The following DOT1L variants were observed in gnomAD, a reference collection of about 807,000 sequenced individuals.
DOT1L encodes the protein DOT1 like histone lysine methyltransferase, also known as histone-lysine N-methyltransferase, H3 lysine-79 specific.
In DOT1L, 33 loss-of-function variants were observed where a neutral mutation model predicts 153.3. The observed-to-expected ratio is 0.22, with a 90% CI of 0.16 to 0.29. The LOEUF is 0.29. Among genes scored for constraint, DOT1L ranks in the 10% least tolerant of loss-of-function variants. The pLI is 1.00. For missense variants in DOT1L, 1,847 were observed against 2,119.9 expected, an observed-to-expected ratio of 0.87 and a Z score of 2.53; for synonymous variants, 1,135 against 965.1, an observed-to-expected ratio of 1.18 and a Z score of -3.26.
Position 2,189,803 on chromosome 19 carries a change from G to A in DOT1L, c.264+8G>A, listed in dbSNP as rs751426391. 3.1e-6 allele frequency: 5 copies of A among 1,611,584 alleles called. No individual in the cohort carries two copies. The highest frequency in any genetic ancestry group is 4.2e-6 in the Non-Finnish European group (5 of 1,179,958). On this transcript the variant is annotated splice_region_variant and intron_variant, in intron 4 of 27. Transcript: ENST00000398665. Reference sequence around the variant, plus strand: ...GACAGCATCCACCAGCTGGTAGGTGGCTTGCCCCTGCCCAGAGGGGGTTAG... The same window carrying A: ...GACAGCATCCACCAGCTGGTAGGTGACTTGCCCCTGCCCAGAGGGGGTTAG...
chr19:2,172,529 A>T (rs377291808), intron 1 of DOT1L, among the ~76,000 whole-genome samples: 1 of 137,304 alleles, frequency 7.3e-6, no homozygotes, highest in Non-Finnish European at 1.6e-5. Context: ...TTGAAGACAG[A>T]GTCTCACTCT....
chr19:2,207,701 C>T lies in DOT1L; in HGVS notation c.963+21C>T, dbSNP rs114623982. The T allele has an allele frequency of 1.3e-6, 2 of 1,596,266 alleles. No homozygotes were observed. The highest frequency in any genetic ancestry group is 1.1e-5 in the South Asian group (1 of 89,954). ...CCATAGTGAGTATCTCGCTGCGCCT[C>T]AGCCGCAGGGCCGTCCTGGTCTTCC... On this transcript the variant is annotated intron_variant, in intron 11 of 27. Coordinates refer to ENST00000398665, the MANE Select transcript of DOT1L (RefSeq NM_032482.3). This position sits in a 1 kb window ranked among gnomAD's most constrained non-coding sequence, Gnocchi z 4.5.
intron 27 of DOT1L, chr19:2,228,517 A>AG: frequency 8.6e-7 from 1 of 1,167,740 alleles, no homozygotes. Context: ...CAGGGAGACC[A>AG]GGGAGATGGT....
At chr19:2,200,770 A>ATCCTCCCCTCATTCCTCG (rs1398423652) in intron 8 of DOT1L, among the ~76,000 whole-genome samples, 1 of 108,342 alleles carries the variant, frequency 9.2e-6, no homozygotes, top group South Asian at 3.2e-4. Flanking sequence ...CGCATTCTTC[A>ATCCTCCCCTCATTCCTCG]TCCTCCCCTC....
rs779037386 is a variant in DOT1L at position 2,214,285 on chromosome 19, C to T, written c.1798-186C>T. The T allele has an allele frequency of 1.5e-3, 1,551 of 1,005,524 alleles. 2 individuals are homozygous for T. The highest frequency in any genetic ancestry group is 2.1e-3 in the Non-Finnish European group (1,474 of 707,792). 62.3% of individuals were successfully genotyped at this position (1,005,524 alleles called of 1,614,324 possible). ...GGTGTGGGTGCTGGAGCTGCCTCAT[C>T]TGTCCGTGGGGGGCCCCAGTCTCCG... is the stretch of plus-strand genomic sequence containing the variant. On this transcript the variant is annotated intron_variant, in intron 18 of 27. Transcript: ENST00000398665.
At chr19:2,177,978 A>C (rs1454451216) in intron 1 of DOT1L, among the ~76,000 whole-genome samples, 1 of 151,112 alleles carries the variant, frequency 6.6e-6, no homozygotes, top group Non-Finnish European at 1.5e-5. Context: ...GCTGGAGTGC[A>C]GTGGTGCAGT....
chr19:2,217,000 C>T lies in DOT1L; in HGVS notation c.2454C>T (p.Ser818=), dbSNP rs1344483483. ...ACGGCCTTCCCTACCAGAGCCCCAG[C>T]GTGCCTGGCAGCATGAAGCTGAGCC... ...KENGLPYQSP[S]VPGSMKLSPQ... The change falls in exon 21 of 28, where the codon AGC becomes AGT. Residue 818 remains serine (S), a synonymous_variant. Transcript: ENST00000398665. 6 of 1,613,014 alleles carry T rather than the reference C, an allele frequency of 3.7e-6. No individual in the cohort carries two copies. Among genetic ancestry groups the T allele is most frequent in the Admixed American group, 3.3e-5 (2 of 59,996 alleles).
rs2301798 is a variant in DOT1L at position 2,207,550 on chromosome 19, C to T, written c.857-24C>T. 68,472 of 1,596,374 alleles carry T rather than the reference C, an allele frequency of 0.043. 1,815 individuals are homozygous for T. The highest frequency in any genetic ancestry group is 0.11 in the East Asian group (4,988 of 44,760). On this transcript the variant is annotated intron_variant, in intron 10 of 27. Coordinates refer to ENST00000398665, the MANE Select transcript of DOT1L (RefSeq NM_032482.3). This position sits in a 1 kb window ranked among gnomAD's most constrained non-coding sequence, Gnocchi z 4.5. Reference sequence around the variant, plus strand: ...AGGGGCTGTGGGCAGGCGCAGGCCCCGGCCTCACCTGTGGCTCCTGCAGAC... The same window carrying T: ...AGGGGCTGTGGGCAGGCGCAGGCCCTGGCCTCACCTGTGGCTCCTGCAGAC...
intron 22 of DOT1L, among the ~76,000 whole-genome samples, chr19:2,219,004 T>C (rs181324282): frequency 2.3e-4 from 35 of 152,332 alleles, no homozygotes; most frequent in African/African-American, 7.7e-4. Context: ...CCCGAGTAGC[T>C]GGGATTACAG....
chr19:2,208,885 A>G lies in DOT1L; in HGVS notation c.964-50A>G, dbSNP rs747322133. On this transcript the variant is annotated intron_variant, in intron 11 of 27. Coordinates refer to ENST00000398665, the MANE Select transcript of DOT1L (RefSeq NM_032482.3). The surrounding 1 kb of genome is among the most constrained non-coding windows in gnomAD (Gnocchi z 4.4). ...TTACCTGGGTGTCCAGACAAATCCG[A>G]ACAGAGATTGGGACTCCCTTCTAAT... 1.3e-6 allele frequency: 2 copies of G among 1,592,298 alleles called. No homozygotes were observed. The highest frequency in any genetic ancestry group is 2.2e-5 in the East Asian group (1 of 44,596).
intron 27 of DOT1L, 77 bp downstream of exon 27, chr19:2,227,204 C>A: frequency 6.5e-7 from 1 of 1,542,836 alleles, no homozygotes; most frequent in Non-Finnish European, 8.9e-7. Context: ...TTCCCTTCCG[C>A]ACTCTCTTGC....
intron 27 of DOT1L, chr19:2,227,599 A>G (rs2024406659): frequency 1.4e-5 from 14 of 1,006,152 alleles, no homozygotes; most frequent in Middle Eastern, 4.3e-4. Flanking sequence ...AGCCTGGCCG[A>G]GCCGCTGCTT....
At chr19:2,175,189 A>G (rs1599535819) in intron 1 of DOT1L, among the ~76,000 whole-genome samples, 2 of 151,884 alleles carry the variant, frequency 1.3e-5, no homozygotes, top group Non-Finnish European at 2.9e-5. Flanking sequence ...TAGTAGAGAC[A>G]GGGTTTCACT....
Position 2,222,176 on chromosome 19 carries a change from G to A in DOT1L, c.3007G>A (p.Ala1003Thr), listed in dbSNP as rs923183589. 22 of 1,612,854 alleles carry A rather than the reference G, an allele frequency of 1.4e-5. No individual in the cohort carries two copies. The highest frequency in any genetic ancestry group is 1.4e-5 in the Non-Finnish European group (17 of 1,179,836). The stretch of plus-strand genomic sequence containing the variant: ...CCGGAACTCGCTTCCTGCCTCTCCC[G>A]CCCACCAGCTCTCCTCCAGTCCCCG... The part of the protein sequence containing the change: ...QPRNSLPASP[A>T]HQLSSSPRLG... The change falls in exon 24 of 28, where the codon GCC becomes ACC. Residue 1003 changes from alanine to threonine, a missense_variant. Coordinates refer to ENST00000398665, the MANE Select transcript of DOT1L (RefSeq NM_032482.3). The surrounding 1 kb of genome is among the most constrained non-coding windows in gnomAD (Gnocchi z 6.5).
intron 1 of DOT1L, among the ~76,000 whole-genome samples, chr19:2,174,986 G>GTGTGTGTGTA (rs1373768436): frequency 9.9e-6 from 1 of 101,360 alleles, no homozygotes; most frequent in Non-Finnish European, 1.9e-5. Flanking sequence ...GTGTGTGTGT[G>GTGTGTGTGTA]TGTGTGTGTA....
At chr19:2,176,548 C>G (rs1303644944) in intron 1 of DOT1L, among the ~76,000 whole-genome samples, 1 of 152,234 alleles carries the variant, frequency 6.6e-6, no homozygotes, top group African/African-American at 2.4e-5. Context: ...CAGAGCATTT[C>G]CAGCCCTCAC....
rs1263155683 is a variant in DOT1L at position 2,191,479 on chromosome 19, C to T, written c.493+239C>T. Among the ~76,000 whole-genome samples, 1 of 152,238 alleles carries T rather than the reference C, an allele frequency of 6.6e-6. No homozygotes were observed. The highest frequency in any genetic ancestry group is 1.9e-4 in the East Asian group (1 of 5,172). On this transcript the variant is annotated intron_variant, in intron 5 of 27. Coordinates refer to ENST00000398665, the MANE Select transcript of DOT1L (RefSeq NM_032482.3). This position sits in a 1 kb window ranked among gnomAD's most constrained non-coding sequence, Gnocchi z 6.8. ...GTGGCTCCCAGACCAGGCCCATCCT[C>T]CCAGGTGCCCGGAGACTCTGCTTTC...
rs1174458033 is a variant in DOT1L at position 2,178,415 on chromosome 19, AT to A, written c.82-2278del. On this transcript the variant is annotated intron_variant, in intron 1 of 27. Transcript: ENST00000398665. The stretch of plus-strand genomic sequence containing the variant: ...TCTCCAAAACACACTTCACTTTGAA[AT>A]TTTTTTTTTTTTTTTTTTTGAGACG... Among the ~76,000 whole-genome samples the A allele has an allele frequency of 5.4e-3, 692 of 128,348 alleles. 4 individuals carry two copies. Among genetic ancestry groups the A allele is most frequent in the African/African-American group, 0.013 (435 of 32,916 alleles). The allele number at this position is 128,348 out of a possible 152,430, so 84.2% of individuals were successfully genotyped here.
rs193090149 is a variant in DOT1L, at chr19:2,164,726, C to T, written c.81+461C>T. On this transcript the variant is annotated intron_variant, in intron 1 of 27. Transcript: ENST00000398665. ...TTGTCACGCTTTTCCTACTCGGGCA[C>T]GGCGGGCCCGACCCTGCGAAGGTGG... Among the ~76,000 whole-genome samples, 780 of 152,214 alleles carry T rather than the reference C, an allele frequency of 5.1e-3. 13 individuals are homozygous for T. The highest frequency in any genetic ancestry group is 0.041 in the Admixed American group (624 of 15,284).
Sources: gnomAD v4.1 joint callset for allele counts (sites outside exome capture counted in the v4.1 genomes callset) on GRCh38, gnomAD v4.1.1 for gene constraint, Gnocchi (gnomAD v3.1) non-coding constraint, MANE v1.5 for transcripts, NCBI Gene and HGNC (gene_info 2026-07-23, HGNC 2026-07-21) for gene names.